SMYD3: variants seen among roughly 807,000 people sequenced by gnomAD.
SMYD3 encodes SET and MYND domain containing 3.
SMYD3 carries 36 observed loss-of-function variants against 57.7 expected under a neutral mutation model. That is an observed-to-expected ratio of 0.62 (90% CI 0.48 to 0.82). SMYD3 has a LOEUF of 0.82. Ranked by LOEUF, SMYD3 falls within the 40% of genes least tolerant of loss-of-function variation. SMYD3 has a pLI of 0.00. For synonymous variants in SMYD3, 211 were observed against 195.0 expected (o/e 1.08, Z -0.68); for missense variants, 515 against 538.8 (o/e 0.96, Z 0.44).
chr1:246,271,965 T>C (rs1046810246), intron 5 of SMYD3, among the ~76,000 whole-genome samples: 2 of 152,256 alleles, frequency 1.3e-5, no homozygotes, highest in African/African-American at 4.8e-5. Context: ...TTGCCTTTAA[T>C]TTCTTTCAGC....
intron 5 of SMYD3, among the ~76,000 whole-genome samples, chr1:245,972,219 G>C (rs556584335): frequency 6.6e-6 from 1 of 152,164 alleles, no homozygotes; most frequent in African/African-American, 2.4e-5. Flanking sequence ...TTTTCATTCG[G>C]ATACCAAGTC....
At chr1:246,288,571 C>T (rs988196825) in intron 5 of SMYD3, among the ~76,000 whole-genome samples, 1 of 151,918 alleles carries the variant, frequency 6.6e-6, no homozygotes, top group South Asian at 2.1e-4. Flanking sequence ...ACTAGATAAA[C>T]CAACCACCTG....
At chr1:245,847,758 C>G (rs1414860172) in intron 10 of SMYD3, among the ~76,000 whole-genome samples, 3 of 152,102 alleles carry the variant, frequency 2.0e-5, no homozygotes, top group African/African-American at 7.2e-5. Context: ...TAATAAGAAA[C>G]TGAAAATTTT....
At chr1:245,919,452 A>T (rs2055700994) in intron 7 of SMYD3, among the ~76,000 whole-genome samples, 1 of 152,110 alleles carries the variant, frequency 6.6e-6, no homozygotes, top group Non-Finnish European at 1.5e-5. Context: ...TCATCCTCCA[A>T]GCTTGGCTCA....
At chr1:246,226,893 A>C (rs892991592) in intron 5 of SMYD3, among the ~76,000 whole-genome samples, 2 of 152,254 alleles carry the variant, frequency 1.3e-5, no homozygotes, top group South Asian at 4.1e-4. Flanking sequence ...AAGCTCAAGA[A>C]GACCTTATAA....
chr1:245,818,701 T>C (rs949444241), intron 10 of SMYD3, among the ~76,000 whole-genome samples: 1 of 151,374 alleles, frequency 6.6e-6, no homozygotes, highest in African/African-American at 2.4e-5. Context: ...TGGAGGAAGA[T>C]CTACCAAGCA....
At chr1:246,048,122 C>T (rs971651004) in intron 5 of SMYD3, among the ~76,000 whole-genome samples, 7 of 152,082 alleles carry the variant, frequency 4.6e-5, no homozygotes, top group East Asian at 3.9e-4. Context: ...GAATAGTACA[C>T]GTGAATCACA....
intron 2 of SMYD3, among the ~76,000 whole-genome samples, chr1:246,345,806 A>G (rs573673313): frequency 6.6e-6 from 1 of 152,054 alleles, no homozygotes; most frequent in Admixed American, 6.5e-5. Flanking sequence ...TGGCCCTAAC[A>G]CCCTAAGAGG....
At chr1:246,253,703 T>C (rs1358118801) in intron 5 of SMYD3, among the ~76,000 whole-genome samples, 2 of 152,216 alleles carry the variant, frequency 1.3e-5, no homozygotes, top group South Asian at 4.1e-4. Context: ...CTAGGTGTTG[T>C]AGGTGTGTAT....
At chr1:245,952,438 A>T (rs1380441408) in intron 5 of SMYD3, among the ~76,000 whole-genome samples, 2 of 152,216 alleles carry the variant, frequency 1.3e-5, no homozygotes, top group African/African-American at 4.8e-5. Flanking sequence ...ACTGACAAGC[A>T]TAGGAAAAAA....
chr1:246,078,763 A>G (rs987394581), intron 5 of SMYD3, among the ~76,000 whole-genome samples: 1 of 152,232 alleles, frequency 6.6e-6, no homozygotes, highest in African/African-American at 2.4e-5. Flanking sequence ...AGAGAACAGG[A>G]AGCAGAACTA....
chr1:246,289,537 T>G (rs1293515904), intron 5 of SMYD3, among the ~76,000 whole-genome samples: 3 of 152,194 alleles, frequency 2.0e-5, no homozygotes, highest in African/African-American at 7.2e-5. Flanking sequence ...TTTGTATTTC[T>G]GTGAGAGTCA....
At chr1:246,239,931 G>C (rs1034458030) in intron 5 of SMYD3, among the ~76,000 whole-genome samples, 4 of 152,144 alleles carry the variant, frequency 2.6e-5, no homozygotes, top group Admixed American at 2.0e-4. Context: ...ACTTTTTGAT[G>C]AGGTTGTTTG....
At chr1:246,320,985 C>A (rs567685403) in intron 5 of SMYD3, among the ~76,000 whole-genome samples, 1 of 152,210 alleles carries the variant, frequency 6.6e-6, no homozygotes, top group Non-Finnish European at 1.5e-5. Context: ...ACATTTCCCA[C>A]GTGAAATTCC....
intron 10 of SMYD3, among the ~76,000 whole-genome samples, chr1:245,847,559 G>A (rs2050728966): frequency 2.6e-5 from 4 of 152,014 alleles, no homozygotes; most frequent in African/African-American, 9.7e-5. Context: ...ATTTCTTTTG[G>A]CTCCCTACAG....
chr1:245,960,933 C>G (rs542450536), intron 5 of SMYD3, among the ~76,000 whole-genome samples: 2 of 152,078 alleles, frequency 1.3e-5, no homozygotes, highest in Non-Finnish European at 2.9e-5. Context: ...ACAGGAAGGC[C>G]GAAGGCCAAA....
intron 10 of SMYD3, among the ~76,000 whole-genome samples, chr1:245,811,423 G>GT (rs1218597411): frequency 2.0e-5 from 3 of 152,144 alleles, no homozygotes; most frequent in Non-Finnish European, 4.4e-5. Context: ...TATGCTTTCT[G>GT]TATGTGTACT....
chr1:246,305,502 A>AG (rs1259096002), intron 5 of SMYD3, among the ~76,000 whole-genome samples: 3 of 152,226 alleles, frequency 2.0e-5, no homozygotes, highest in African/African-American at 7.2e-5. Flanking sequence ...TGTACAGATA[A>AG]GGGGTATTTT....
intron 5 of SMYD3, among the ~76,000 whole-genome samples, chr1:246,274,545 T>TA (rs1416636677): frequency 1.3e-5 from 2 of 152,188 alleles, no homozygotes; most frequent in Non-Finnish European, 2.9e-5. Flanking sequence ...AATTATTATA[T>TA]ATAACTACAA....
Sources: gnomAD v4.1 joint callset for allele counts (sites outside exome capture counted in the v4.1 genomes callset) on GRCh38, gnomAD v4.1.1 for gene constraint, MANE v1.5 for transcripts, NCBI Gene and HGNC (gene_info 2026-07-23, HGNC 2026-07-21) for gene names.